Variants in ADGRL3 observed in about 807,000 individuals in gnomAD.
ADGRL3 encodes the protein adhesion G protein-coupled receptor L3.
In ADGRL3, 62 loss-of-function variants were observed where a neutral mutation model predicts 153.5. That is an observed-to-expected ratio of 0.40 (90% CI 0.33 to 0.50). ADGRL3 has a LOEUF of 0.50. ADGRL3 is among the 20% of genes least tolerant of loss of function. The pLI is 0.47. For missense variants in ADGRL3, 1,641 were observed against 1,859.4 expected, an observed-to-expected ratio of 0.88 and a Z score of 2.16; for synonymous variants, 710 against 672.5, an observed-to-expected ratio of 1.06 and a Z score of -0.86.
rs974168162 is a variant in ADGRL3, at chr4:62,041,790, T to A, written c.3718-2663T>A. 3.9e-5 allele frequency among the ~76,000 whole-genome samples: 6 copies of A among 152,236 alleles called. No homozygotes were observed. In the South Asian group the frequency reaches 8.3e-4, roughly 21 times the overall value. ...CCTTCCTGGTTATAAGTGTGGCCTC[T>A]GTGCAATATACTATATACTTTTTCC... is the stretch of plus-strand genomic sequence containing the variant. On this transcript the variant is annotated intron_variant, in intron 24 of 26. Transcript: ENST00000683033.
At chr4:61,974,987 A>G (rs2150732558) in intron 17 of ADGRL3, among the ~76,000 whole-genome samples, 1 of 152,292 alleles carries the variant, frequency 6.6e-6, no homozygotes, top group Non-Finnish European at 1.5e-5. Flanking sequence ...GATTAAAGAG[A>G]GGTCATTTAT....
At chr4:61,387,453 A>G (rs2096751189) in intron 2 of ADGRL3, among the ~76,000 whole-genome samples, 1 of 152,046 alleles carries the variant, frequency 6.6e-6, no homozygotes, top group African/African-American at 2.4e-5. Flanking sequence ...TCACTATGGG[A>G]GACTGGAGTT....
chr4:61,437,355 A>T (rs72636142), intron 2 of ADGRL3, among the ~76,000 whole-genome samples: 1 of 152,170 alleles, frequency 6.6e-6, no homozygotes, highest in Non-Finnish European at 1.5e-5. Flanking sequence ...TTGTCATTGC[A>T]AAGTTTATTC....
At chr4:61,334,881 A>T (rs565500192) in intron 1 of ADGRL3, among the ~76,000 whole-genome samples, 1 of 152,108 alleles carries the variant, frequency 6.6e-6, no homozygotes, top group Admixed American at 6.6e-5. Flanking sequence ...TTAAATAGGG[A>T]TAAAATCTAG....
intron 8 of ADGRL3, among the ~76,000 whole-genome samples, chr4:61,745,073 A>G (rs1326638996): frequency 6.6e-6 from 1 of 152,230 alleles, no homozygotes; most frequent in Admixed American, 6.5e-5. Flanking sequence ...AGAATGCAGA[A>G]GCCTCAGGAG....
intron 1 of ADGRL3, among the ~76,000 whole-genome samples, chr4:61,267,785 A>G (rs1040819020): frequency 2.6e-5 from 4 of 151,662 alleles, no homozygotes; most frequent in Admixed American, 6.6e-5. Flanking sequence ...CAGAGAAGAT[A>G]TCTGTCTCAA....
intron 2 of ADGRL3, among the ~76,000 whole-genome samples, chr4:61,472,785 T>C (rs1441428082): frequency 1.3e-5 from 2 of 152,088 alleles, no homozygotes; most frequent in African/African-American, 2.4e-5. Flanking sequence ...TGACTTTTAA[T>C]CATAACTCCA....
chr4:62,068,246 A>G, intron 26 of ADGRL3, 63 bp downstream of exon 26: 2 of 1,466,726 alleles, frequency 1.4e-6, no homozygotes, highest in Non-Finnish European at 1.9e-6. Context: ...CTTTTATTGC[A>G]TCACATATAG....
At chr4:61,409,208 T>C (rs2097048664) in intron 2 of ADGRL3, among the ~76,000 whole-genome samples, 1 of 144,388 alleles carries the variant, frequency 6.9e-6, no homozygotes, top group South Asian at 2.1e-4. Flanking sequence ...TTATATATAT[T>C]AGACATACAT....
chr4:61,768,081 C>A (rs908081857), intron 8 of ADGRL3, among the ~76,000 whole-genome samples: 5 of 152,088 alleles, frequency 3.3e-5, no homozygotes, highest in Non-Finnish European at 1.5e-5. Context: ...GAGCCATGAA[C>A]TGGGCTGGAT....
chr4:61,454,067 G>A (rs886660854), intron 2 of ADGRL3, among the ~76,000 whole-genome samples: 1 of 152,000 alleles, frequency 6.6e-6, no homozygotes, highest in African/African-American at 2.4e-5. Context: ...GATTTGATTA[G>A]TATCTGCATT....
At chr4:61,679,611 A>G (rs2095289490) in intron 6 of ADGRL3, among the ~76,000 whole-genome samples, 1 of 152,058 alleles carries the variant, frequency 6.6e-6, no homozygotes, top group South Asian at 2.1e-4. Flanking sequence ...TTCTACATGG[A>G]TAGTGTTTAC....
intron 1 of ADGRL3, among the ~76,000 whole-genome samples, chr4:61,317,734 C>T (rs1057307884): frequency 7.2e-5 from 11 of 152,084 alleles, no homozygotes; most frequent in African/African-American, 1.7e-4. Context: ...TTCTATCCTA[C>T]GTAGAGTAAC....
chr4:61,436,705 C>T (rs561391981), intron 2 of ADGRL3, among the ~76,000 whole-genome samples: 5 of 152,128 alleles, frequency 3.3e-5, no homozygotes, highest in South Asian at 2.1e-4. Context: ...TGGTCCCTAA[C>T]TTGAAAATAC....
chr4:61,952,615 G>A (rs1049215123), intron 17 of ADGRL3, among the ~76,000 whole-genome samples: 2 of 152,088 alleles, frequency 1.3e-5, no homozygotes, highest in South Asian at 4.1e-4. Context: ...ACCTGTGTCA[G>A]CACAGTTTAA....
intron 19 of ADGRL3, among the ~76,000 whole-genome samples, chr4:61,989,736 A>G (rs1235830328): frequency 2.6e-5 from 4 of 152,058 alleles, no homozygotes; most frequent in South Asian, 2.1e-4. Flanking sequence ...TTAAAATGCA[A>G]TGAAATGTTA....
chr4:61,607,362 G>T (rs915583964), intron 5 of ADGRL3, among the ~76,000 whole-genome samples: 5 of 152,150 alleles, frequency 3.3e-5, no homozygotes, highest in Non-Finnish European at 7.3e-5. Flanking sequence ...ACTTTGGGAG[G>T]CCAAGGTGGG....
intron 4 of ADGRL3, among the ~76,000 whole-genome samples, chr4:61,537,870 A>T (rs2098666469): frequency 6.6e-6 from 1 of 152,062 alleles, no homozygotes; most frequent in Non-Finnish European, 1.5e-5. Context: ...CATATCCTGA[A>T]TTATATTTCT....
chr4:61,734,554 TACTC>T (rs2096484376), intron 8 of ADGRL3, among the ~76,000 whole-genome samples: 1 of 152,078 alleles, frequency 6.6e-6, no homozygotes, highest in African/African-American at 2.4e-5. Flanking sequence ...CATGAGAACT[TACTC>T]ACTATCACAA....
Sources: allele counts gnomAD v4.1 joint callset (sites outside exome capture counted in the v4.1 genomes callset), GRCh38; gene constraint gnomAD v4.1.1; transcripts MANE v1.5; gene names NCBI Gene and HGNC (gene_info 2026-07-23, HGNC 2026-07-21).